The following HSD17B2 variants were observed in gnomAD, a reference collection of about 807,000 sequenced individuals.
The protein encoded by HSD17B2 is hydroxysteroid 17-beta dehydrogenase 2.
In HSD17B2, 32 loss-of-function variants were observed where a neutral mutation model predicts 26.9. The observed-to-expected ratio is 1.19, with a 90% CI of 0.90 to 1.60. HSD17B2 has a LOEUF of 1.60. Ranked by LOEUF, HSD17B2 falls within the 40% of genes most tolerant of loss-of-function variation. The pLI is 0.00. For synonymous variants in HSD17B2, 246 were observed against 186.7 expected, an observed-to-expected ratio of 1.32 and a Z score of -2.59; for missense variants, 613 against 468.6, an observed-to-expected ratio of 1.31 and a Z score of -2.85.
chr16:82,072,245 C>T (rs370608089), intron 3 of HSD17B2, among the ~76,000 whole-genome samples: 6 of 151,936 alleles, frequency 3.9e-5, no homozygotes, highest in East Asian at 1.9e-4. Context: ...TTGGGGGAGA[C>T]GAAGTGTCCT....
intron 4 of HSD17B2, chr16:82,094,474 G>C (rs1904781181): frequency 6.6e-6 from 1 of 152,200 alleles, no homozygotes; most frequent in Non-Finnish European, 1.5e-5. Context: ...TGGGGATCTG[G>C]TATCCCACGT....
At position 82,035,585 on chromosome 16, in the gene HSD17B2, C is replaced by G. The variant is rs1259088271; in HGVS notation, c.161C>G (p.Pro54Arg). 3 of 1,613,842 alleles carry G rather than the reference C, an allele frequency of 1.9e-6. No individual in the cohort carries two copies. Among genetic ancestry groups the G allele is most frequent in the African/African-American group, 1.3e-5 (1 of 74,880 alleles). ...LCAVCLLILS[P>R]FWGLILFSVS... ...GCAGTCTGCCTGCTCATCCTGTCCC[C>G]TTTTTGGGGCTTGATCCTCTTCTCG... The change falls in exon 1 of 5, where the codon CCT (proline) becomes CGT (arginine). Residue 54 changes from proline to arginine, a missense_variant. Pro to Arg is a moderately radical substitution (Grantham distance 103). Coordinates refer to ENST00000199936, the MANE Select transcript of HSD17B2 (RefSeq NM_002153.3).
chr16:82,079,869 T>C (rs1904335206), intron 3 of HSD17B2, among the ~76,000 whole-genome samples: 1 of 152,192 alleles, frequency 6.6e-6, no homozygotes, highest in Non-Finnish European at 1.5e-5. Context: ...GCAAAATCAA[T>C]GTAATAGTAA....
At chr16:82,055,409 T>C (rs13331247) in intron 1 of HSD17B2, among the ~76,000 whole-genome samples, 22,483 of 152,138 alleles carry the variant, frequency 0.15, 4,906 homozygotes, top group African/African-American at 0.48. Context: ...AAGCTAAGCT[T>C]CATGGGATGG....
At chr16:82,052,954 A>C (rs1914152871) in intron 1 of HSD17B2, among the ~76,000 whole-genome samples, 1 of 152,228 alleles carries the variant, frequency 6.6e-6, no homozygotes, top group East Asian at 1.9e-4. Flanking sequence ...AGAGGGCAAG[A>C]GCATGCCAGC....
In HSD17B2 at chr16:82,096,207, A is replaced by G. The variant is rs565333976; in HGVS notation, c.803-1868A>G. 15 of 152,270 alleles carry G rather than the reference A, an allele frequency of 9.9e-5. No homozygotes were observed. In the South Asian group the frequency reaches 2.9e-3, roughly 29 times the overall value. 9.4% of individuals were successfully genotyped at this position (152,270 alleles called of 1,614,324 possible). A position where few individuals can be genotyped will look rare whatever the true frequency, so the allele number is the denominator to read the frequency against. On this transcript the variant is annotated intron_variant, in intron 4 of 4. Transcript: ENST00000199936. ...ATTATATCCATTAAGTAGATTAAATATTTAAAATCCTGTATTTATTTATTT... is the reference window on the plus strand; with the variant it reads ...ATTATATCCATTAAGTAGATTAAATGTTTAAAATCCTGTATTTATTTATTT...
At chr16:82,097,267 T>A (rs1277075767) in intron 4 of HSD17B2, 1 of 149,590 alleles carries the variant, frequency 6.7e-6, no homozygotes, top group African/African-American at 2.5e-5. Flanking sequence ...TGTCTATGTC[T>A]ATGTGTGTGT....
intron 1 of HSD17B2, among the ~76,000 whole-genome samples, chr16:82,054,550 G>A (rs1167116533): frequency 6.6e-6 from 1 of 152,146 alleles, no homozygotes; most frequent in African/African-American, 2.4e-5. Flanking sequence ...TCACCATGTT[G>A]CTCAGGCTGG....
At chr16:82,075,732 C>A (rs1904297609) in intron 3 of HSD17B2, among the ~76,000 whole-genome samples, 1 of 151,962 alleles carries the variant, frequency 6.6e-6, no homozygotes, top group South Asian at 2.1e-4. Flanking sequence ...AAAAAGTCTG[C>A]AAGCAAAGAA....
intron 1 of HSD17B2, among the ~76,000 whole-genome samples, chr16:82,038,477 G>A (rs562089233): frequency 6.6e-6 from 1 of 152,304 alleles, no homozygotes; most frequent in East Asian, 1.9e-4. Context: ...AGCCTCTCAA[G>A]TAGCTGGGAT....
At chr16:82,044,752 G>T (rs1184301491) in intron 1 of HSD17B2, 2 of 152,260 alleles carry the variant, frequency 1.3e-5, no homozygotes, top group Non-Finnish European at 2.9e-5. Flanking sequence ...CACACTGAAA[G>T]CTATCCCTCC....
At chr16:82,080,034 G>C (rs1439181888) in intron 3 of HSD17B2, among the ~76,000 whole-genome samples, 1 of 152,158 alleles carries the variant, frequency 6.6e-6, no homozygotes, top group East Asian at 1.9e-4. Flanking sequence ...TGGCACCTCT[G>C]TCACCTTCTG....
At chr16:82,041,929 T>G (rs1364405458) in intron 1 of HSD17B2, among the ~76,000 whole-genome samples, 2 of 152,188 alleles carry the variant, frequency 1.3e-5, no homozygotes, top group Non-Finnish European at 2.9e-5. Context: ...CCTGAAACTT[T>G]AAATTTGGCA....
intron 1 of HSD17B2, among the ~76,000 whole-genome samples, chr16:82,047,521 C>A (rs540146124): frequency 6.6e-6 from 1 of 152,074 alleles, no homozygotes; most frequent in Non-Finnish European, 1.5e-5. Flanking sequence ...AGCAGGTAGG[C>A]AAGAAGCCAG....
intron 1 of HSD17B2, among the ~76,000 whole-genome samples, chr16:82,037,721 G>C (rs1913658780): frequency 6.6e-6 from 1 of 152,188 alleles, no homozygotes; most frequent in Non-Finnish European, 1.5e-5. Flanking sequence ...GTATAACAAT[G>C]TGCAACCATT....
chr16:82,079,781 G>C (rs1470227442), intron 3 of HSD17B2, among the ~76,000 whole-genome samples: 5 of 152,224 alleles, frequency 3.3e-5, no homozygotes, highest in African/African-American at 9.6e-5. Context: ...GTCAAAGTAT[G>C]TGTAAAAGGC....
chr16:82,054,192 C>T (rs1012876754), intron 1 of HSD17B2, among the ~76,000 whole-genome samples: 6 of 149,344 alleles, frequency 4.0e-5, no homozygotes, highest in African/African-American at 1.5e-4. Context: ...AATCACTTAA[C>T]CTTAACCCAC....
intron 1 of HSD17B2, among the ~76,000 whole-genome samples, chr16:82,055,675 G>C (rs1914244607): frequency 6.6e-6 from 1 of 152,360 alleles, no homozygotes. Flanking sequence ...ACAGCGTACT[G>C]TATCCACCAT....
At chr16:82,035,716 C>G (rs1913608214) in intron 1 of HSD17B2, 27 bp downstream of exon 1, 1 of 1,606,432 alleles carries the variant, frequency 6.2e-7, no homozygotes, top group South Asian at 1.1e-5. Flanking sequence ...ACAATTTTCA[C>G]TGAGGGTATG....
Sources: allele counts gnomAD v4.1 joint callset (sites outside exome capture counted in the v4.1 genomes callset), GRCh38; gene constraint gnomAD v4.1.1; transcripts MANE v1.5; gene names NCBI Gene and HGNC (gene_info 2026-07-23, HGNC 2026-07-21).